SPI1: variants seen among roughly 807,000 people sequenced by gnomAD.
The protein encoded by SPI1 is Spi-1 proto-oncogene, also known as transcription factor PU.1.
In SPI1, 3 loss-of-function variants were observed where a neutral mutation model predicts 30.7. That is an observed-to-expected ratio of 0.10 (90% CI 0.04 to 0.25). SPI1 has a LOEUF of 0.25. Among genes scored for constraint, SPI1 ranks in the 10% least tolerant of loss-of-function variants. The pLI, the probability that SPI1 is intolerant of heterozygous loss-of-function variation, is 1.00. For missense variants in SPI1, 261 were observed against 371.5 expected (o/e 0.70, Z 2.45); for synonymous variants, 169 against 157.1 (o/e 1.08, Z -0.56).
rs76552210 is a variant in SPI1 at position 47,376,991 on chromosome 11, T to G, written c.46-1262A>C. On this transcript the variant is annotated intron_variant, in intron 1 of 4. Coordinates refer to ENST00000378538, the MANE Select transcript of SPI1 (RefSeq NM_003120.3). ...AGAGACAGTGGGCCTGTGGCTTTCTTGAGGCAGAATTGGCTCTTTCTGAGA... is the reference window on the plus strand; with the variant it reads ...AGAGACAGTGGGCCTGTGGCTTTCTGGAGGCAGAATTGGCTCTTTCTGAGA... Among the ~76,000 whole-genome samples, 1,273 of 152,286 alleles carry G rather than the reference T, an allele frequency of 8.4e-3. 16 individuals are homozygous for G. Among genetic ancestry groups the G allele is most frequent in the African/African-American group, 0.029 (1,205 of 41,556 alleles).
At position 47,355,030 on chromosome 11, in the gene SPI1, G is replaced by C. The variant is rs2095905828; in HGVS notation, c.*197C>G. On this transcript the variant is annotated 3_prime_UTR_variant, in exon 5 of 5. Transcript: ENST00000378538. ...ACGCCCAGCTGGCGTCCGGGAGCCG[G>C]GGTGGAGTCCTGGAGGGAGGCGAAG... is the stretch of plus-strand genomic sequence containing the variant. 2.7e-6 allele frequency: 1 copy of C among 372,884 alleles called. No homozygotes were observed. The highest frequency in any genetic ancestry group is 1.3e-4 in the South Asian group (1 of 7,590). The allele number at this position is 372,884 out of a possible 1,614,324, so 23.1% of individuals were successfully genotyped here.
At chr11:47,373,022 G>A (rs2095937885) in intron 2 of SPI1, among the ~76,000 whole-genome samples, 1 of 152,114 alleles carries the variant, frequency 6.6e-6, no homozygotes, top group Non-Finnish European at 1.5e-5. Context: ...GGTCTCTATG[G>A]TTGAGTCTTC....
chr11:47,371,816 C>T (rs2142895944), intron 2 of SPI1, among the ~76,000 whole-genome samples: 1 of 152,336 alleles, frequency 6.6e-6, no homozygotes. Context: ...AAATGCCTGC[C>T]ATGGCCTTCG....
chr11:47,373,768 TCATGA>T (rs1565644714), intron 2 of SPI1, among the ~76,000 whole-genome samples: 1 of 152,060 alleles, frequency 6.6e-6, no homozygotes, highest in African/African-American at 2.4e-5. Flanking sequence ...AACTAGGGGT[TCATGA>T]CCAACATGGG....
intron 2 of SPI1, among the ~76,000 whole-genome samples, chr11:47,364,175 G>A (rs1196902640): frequency 2.7e-5 from 4 of 150,638 alleles, no homozygotes; most frequent in African/African-American, 7.3e-5. Flanking sequence ...TCAGCCTCCC[G>A]AGTAGCTGGG....
At chr11:47,370,879 AGT>A (rs57400879) in intron 2 of SPI1, among the ~76,000 whole-genome samples, 36 of 150,124 alleles carry the variant, frequency 2.4e-4, no homozygotes, top group African/African-American at 4.4e-4. Context: ...GAGAAATGTG[AGT>A]GTGTGTGTGT....
chr11:47,358,470 C>T, intron 4 of SPI1: 1 of 646,102 alleles, frequency 1.5e-6, no homozygotes. Context: ...CCACTCTCAG[C>T]CACACCAGCT....
chr11:47,363,797 T>A (rs1403416136), intron 2 of SPI1, among the ~76,000 whole-genome samples: 1 of 150,772 alleles, frequency 6.6e-6, no homozygotes, highest in Non-Finnish European at 1.5e-5. Flanking sequence ...ACCCCGTCTC[T>A]ACAAAAATAT....
chr11:47,358,660 C>T (rs1355117951), intron 4 of SPI1, 184 bp downstream of exon 4: 2 of 721,298 alleles, frequency 2.8e-6, no homozygotes, highest in Non-Finnish European at 5.0e-6. Context: ...ATGCACTACA[C>T]AGCAGATACA....
chr11:47,373,128 G>A (rs377686013), intron 2 of SPI1, among the ~76,000 whole-genome samples: 49 of 152,206 alleles, frequency 3.2e-4, no homozygotes, highest in Non-Finnish European at 5.7e-4. Flanking sequence ...TGAGGCAGGC[G>A]GATCACCAGG....
rs1201879164 is a variant in SPI1 at position 47,354,928 on chromosome 11, C to T, written c.*299G>A. The T allele has an allele frequency of 3.5e-6, 1 of 286,714 alleles. No individual in the cohort carries two copies. The highest frequency in any genetic ancestry group is 5.9e-5 in the East Asian group (1 of 16,932). 17.8% of individuals were successfully genotyped at this position (286,714 alleles called of 1,614,324 possible). A position where few individuals can be genotyped will look rare whatever the true frequency, so the allele number is the denominator to read the frequency against. On this transcript the variant is annotated 3_prime_UTR_variant, in exon 5 of 5. Transcript: ENST00000378538. ...GGGTGGGAGGGGTGAGAGGGGAGAT[C>T]TGATTTACATACGGACTTGAGACTC...
At chr11:47,371,625 C>T (rs537934341) in intron 2 of SPI1, among the ~76,000 whole-genome samples, 1 of 149,508 alleles carries the variant, frequency 6.7e-6, no homozygotes, top group African/African-American at 2.5e-5. Flanking sequence ...CAAGATCACA[C>T]CACTGCACTC....
chr11:47,359,882 C>T lies in SPI1; in HGVS notation c.301G>A (p.Val101Met). 1.2e-6 allele frequency: 2 copies of T among 1,607,978 alleles called. No homozygotes were observed. The highest frequency in any genetic ancestry group is 8.5e-7 in the Non-Finnish European group (1 of 1,179,844). Residue 101 changes from valine to methionine, a missense_variant, in exon 3 of 5, where the codon GTG becomes ATG. Transcript: ENST00000378538. The surrounding 1 kb of genome is among the most constrained non-coding windows in gnomAD (Gnocchi z 5.1). ...TGGCCAAGACTGGGATGGGGTGGCACCATGGGGGTATCGAGGACGTGCATC... is the reference window on the plus strand; with the variant it reads ...TGGCCAAGACTGGGATGGGGTGGCATCATGGGGGTATCGAGGACGTGCATC... ...EQMHVLDTPM[V>M]PPHPSLGHQV...
Position 47,359,716 on chromosome 11 carries a change from G to T in SPI1, c.330+137C>A. ...CTTGGGGGGTCAGGCGGCAGCCGTTGGAGCTCCAGCCGCCGTTGGCACTGT... is the reference window on the plus strand; with the variant it reads ...CTTGGGGGGTCAGGCGGCAGCCGTTTGAGCTCCAGCCGCCGTTGGCACTGT... On this transcript the variant is annotated intron_variant, in intron 3 of 4. Coordinates refer to ENST00000378538, the MANE Select transcript of SPI1 (RefSeq NM_003120.3). This position sits in a 1 kb window ranked among gnomAD's most constrained non-coding sequence, Gnocchi z 5.1. 1.1e-6 allele frequency: 1 copy of T among 931,756 alleles called. No homozygotes were observed. Among genetic ancestry groups the T allele is most frequent in the Non-Finnish European group, 1.6e-6 (1 of 622,288 alleles). The allele number at this position is 931,756 out of a possible 1,614,324, so 57.7% of individuals were successfully genotyped here. A position where few individuals can be genotyped will look rare whatever the true frequency, so the allele number is the denominator to read the frequency against.
At position 47,359,161 on chromosome 11, in the gene SPI1, G is replaced by A. The variant is rs1222728449; in HGVS notation, c.331-155C>T. On this transcript the variant is annotated intron_variant, in intron 3 of 4. Coordinates refer to ENST00000378538, the MANE Select transcript of SPI1 (RefSeq NM_003120.3). The surrounding 1 kb of genome is among the most constrained non-coding windows in gnomAD (Gnocchi z 5.1). ...AGGAAGAAGACCAGGGAAAAGGGGG[G>A]CCAGTTGAGGTGCTGCACATAGGGT... is the stretch of plus-strand genomic sequence containing the variant. 2.0e-5 allele frequency among the ~76,000 whole-genome samples: 3 copies of A among 152,038 alleles called. No homozygotes were observed. The highest frequency in any genetic ancestry group is 6.6e-5 in the Admixed American group (1 of 15,260).
At chr11:47,362,079 TCA>T (rs552395697) in intron 2 of SPI1, among the ~76,000 whole-genome samples, 124 of 152,100 alleles carry the variant, frequency 8.2e-4, no homozygotes, top group African/African-American at 2.8e-3. Context: ...AATGGGCAGG[TCA>T]TTCTATTTCT....
chr11:47,358,591 A>G (rs544501401), intron 4 of SPI1: 2 of 703,802 alleles, frequency 2.8e-6, no homozygotes, highest in Non-Finnish European at 5.2e-6. Context: ...ACCCAGATGT[A>G]CACACACTCA....
intron 2 of SPI1, among the ~76,000 whole-genome samples, chr11:47,373,078 C>T (rs145197492): frequency 6.6e-6 from 1 of 152,164 alleles, no homozygotes; most frequent in Non-Finnish European, 1.5e-5. Flanking sequence ...CCCGGCCGGG[C>T]GCAGTGGCTC....
At position 47,355,101 on chromosome 11, in the gene SPI1, C is replaced by A; in HGVS notation, c.*126G>T. 1 of 681,488 alleles carries A rather than the reference C, an allele frequency of 1.5e-6. No homozygotes were observed. Among genetic ancestry groups the A allele is most frequent in the Non-Finnish European group, 2.0e-6 (1 of 492,260 alleles). 42.2% of individuals were successfully genotyped at this position (681,488 alleles called of 1,614,324 possible). On this transcript the variant is annotated 3_prime_UTR_variant, in exon 5 of 5. Coordinates refer to ENST00000378538, the MANE Select transcript of SPI1 (RefSeq NM_003120.3). ...GAGTGGGGGGAGGGGGCGGGTGAGG[C>A]GAGGCCCGGCCCGCCACAGTCCTGC...
Sources: allele counts gnomAD v4.1 joint callset (sites outside exome capture counted in the v4.1 genomes callset), GRCh38; gene constraint gnomAD v4.1.1; non-coding constraint Gnocchi (gnomAD v3.1); transcripts MANE v1.5; gene names NCBI Gene and HGNC (gene_info 2026-07-23, HGNC 2026-07-21).